Variants in PTGFR observed in about 807,000 individuals in gnomAD.
The protein encoded by PTGFR is prostaglandin F2-alpha receptor.
Under a neutral mutation model 26.2 loss-of-function variants are expected in PTGFR, and 15 were observed. That is an observed-to-expected ratio of 0.57 (90% confidence interval 0.38 to 0.88). PTGFR has a LOEUF of 0.88. Among genes scored for constraint, PTGFR ranks in the 40% least tolerant of loss-of-function variants. The probability of loss-of-function intolerance (pLI) is 0.00; values close to 1 mark genes in which losing one functional copy is unlikely to be tolerated. For missense variants in PTGFR, 369 were observed against 427.2 expected, an observed-to-expected ratio of 0.86 and a Z score of 1.20; for synonymous variants, 165 against 151.1, an observed-to-expected ratio of 1.09 and a Z score of -0.68.
rs942426155 is a variant in PTGFR at position 78,537,495 on chromosome 1, A to G, written c.*808A>G. The G allele has an allele frequency of 1.3e-5, 2 of 152,074 alleles. No individual in the cohort carries two copies. The highest frequency in any genetic ancestry group is 2.9e-5 in the Non-Finnish European group (2 of 68,018). The allele number at this position is 152,074 out of a possible 1,614,324, so 9.4% of individuals were successfully genotyped here. On this transcript the variant is annotated 3_prime_UTR_variant, in exon 3 of 3. Transcript: ENST00000370757. ...CAACTAGAATTACAGCAGTTTCAAA[A>G]CTCTACCATGGATAATGCAAACAAA...
Position 78,532,390 on chromosome 1 carries a change from A to ATATATATATATG in PTGFR, c.799-4009_799-4008insATATGTATATAT, listed in dbSNP as rs1317673207. 12 of 132,072 alleles carry ATATATATATATG rather than the reference A, an allele frequency of 9.1e-5. 1 individual carries two copies. Among genetic ancestry groups the ATATATATATATG allele is most frequent in the Non-Finnish European group, 1.1e-4 (7 of 62,068 alleles). The allele number at this position is 132,072 out of a possible 1,614,324, so 8.2% of individuals were successfully genotyped here. ...TATATATATATATATATATATATAT[A>ATATATATATATG]TATATATGTATATATGTGTATATAT... On this transcript the variant is annotated intron_variant, in intron 2 of 2. Coordinates refer to ENST00000370757, the MANE Select transcript of PTGFR (RefSeq NM_000959.4).
chr1:78,495,174 A>G (rs1649516007), intron 2 of PTGFR, among the ~76,000 whole-genome samples: 2 of 152,366 alleles, frequency 1.3e-5, no homozygotes, highest in South Asian at 2.1e-4. Context: ...GGGTCTATCA[A>G]TGGCAAGTCA....
chr1:78,534,060 A>G (rs1650587333), intron 2 of PTGFR, among the ~76,000 whole-genome samples: 1 of 152,162 alleles, frequency 6.6e-6, no homozygotes. Flanking sequence ...TGTCCTGTCT[A>G]CTTCTCAGAA....
intron 2 of PTGFR, among the ~76,000 whole-genome samples, chr1:78,533,742 G>A (rs1650578640): frequency 6.6e-6 from 1 of 152,152 alleles, no homozygotes; most frequent in South Asian, 2.1e-4. Context: ...GTACAGACAT[G>A]GGGGAGAGAT....
At chr1:78,533,753 G>T (rs372544632) in intron 2 of PTGFR, among the ~76,000 whole-genome samples, 4 of 152,166 alleles carry the variant, frequency 2.6e-5, no homozygotes, top group Non-Finnish European at 5.9e-5. Flanking sequence ...GGGGAGAGAT[G>T]ATGCGATAAC....
chr1:78,523,550 T>C (rs1292219620), intron 2 of PTGFR, among the ~76,000 whole-genome samples: 2 of 151,968 alleles, frequency 1.3e-5, no homozygotes, highest in African/African-American at 2.4e-5. Flanking sequence ...CACGTATAAA[T>C]ACCTTTGGAC....
chr1:78,519,292 A>G (rs146319543), intron 2 of PTGFR, among the ~76,000 whole-genome samples: 1 of 152,290 alleles, frequency 6.6e-6, no homozygotes, highest in African/African-American at 2.4e-5. Flanking sequence ...GAGTTTGAAC[A>G]TAGTTGCCAC....
intron 2 of PTGFR, among the ~76,000 whole-genome samples, chr1:78,499,450 C>T (rs1018363819): frequency 1.3e-5 from 2 of 152,232 alleles, no homozygotes; most frequent in African/African-American, 4.8e-5. Context: ...AGACCAGTGC[C>T]TGGCATATAG....
intron 2 of PTGFR, among the ~76,000 whole-genome samples, chr1:78,502,195 T>G (rs1649722441): frequency 6.6e-6 from 1 of 152,190 alleles, no homozygotes; most frequent in Non-Finnish European, 1.5e-5. Context: ...TGTGAGGTAT[T>G]AATTATTAGA....
chr1:78,535,573 T>C (rs1650624857), intron 2 of PTGFR, among the ~76,000 whole-genome samples: 1 of 152,174 alleles, frequency 6.6e-6, no homozygotes, highest in Admixed American at 6.6e-5. Context: ...ATTTCTTATT[T>C]GTTTGTATAT....
chr1:78,511,884 AC>A (rs1285315604), intron 2 of PTGFR, among the ~76,000 whole-genome samples: 1 of 152,114 alleles, frequency 6.6e-6, no homozygotes, highest in Non-Finnish European at 1.5e-5. Flanking sequence ...CATCTTGAAC[AC>A]TTTGCCGCTT....
Position 78,537,149 on chromosome 1 carries a change from G to A in PTGFR, c.*462G>A, listed in dbSNP as rs992537130. 1.3e-5 allele frequency: 2 copies of A among 154,060 alleles called. No individual in the cohort carries two copies. The highest frequency in any genetic ancestry group is 2.9e-5 in the Non-Finnish European group (2 of 69,560). 9.5% of individuals were successfully genotyped at this position (154,060 alleles called of 1,614,324 possible). On this transcript the variant is annotated 3_prime_UTR_variant, in exon 3 of 3. Coordinates refer to ENST00000370757, the MANE Select transcript of PTGFR (RefSeq NM_000959.4). Reference sequence around the variant, plus strand: ...GATCTGGCCTATTTTGCCCCTCATTGTGTAGCCTCAATTAACACATGCATG... The same window carrying A: ...GATCTGGCCTATTTTGCCCCTCATTATGTAGCCTCAATTAACACATGCATG...
chr1:78,502,366 G>A (rs1380621517), intron 2 of PTGFR, among the ~76,000 whole-genome samples: 7 of 152,032 alleles, frequency 4.6e-5, no homozygotes, highest in Non-Finnish European at 1.0e-4. Context: ...TCACTTCCTG[G>A]CCATGTGTCT....
intron 2 of PTGFR, among the ~76,000 whole-genome samples, chr1:78,506,967 T>A (rs1320502382): frequency 6.6e-6 from 1 of 152,224 alleles, no homozygotes; most frequent in Non-Finnish European, 1.5e-5. Flanking sequence ...GGAAATTGAC[T>A]TGACCAGACT....
intron 2 of PTGFR, among the ~76,000 whole-genome samples, chr1:78,529,936 A>G (rs937222281): frequency 6.6e-6 from 1 of 152,148 alleles, no homozygotes; most frequent in Admixed American, 6.5e-5. Context: ...TGAGAATCTA[A>G]TGCGTGATGA....
At chr1:78,534,679 A>C (rs1375501031) in intron 2 of PTGFR, among the ~76,000 whole-genome samples, 1 of 150,534 alleles carries the variant, frequency 6.6e-6, no homozygotes, top group East Asian at 1.9e-4. Flanking sequence ...TTTTTCTATG[A>C]ACAAAATTAC....
At chr1:78,522,206 A>G (rs1371380199) in intron 2 of PTGFR, among the ~76,000 whole-genome samples, 1 of 151,906 alleles carries the variant, frequency 6.6e-6, no homozygotes, top group East Asian at 1.9e-4. Context: ...CCCTCTATGC[A>G]CAAACCAGAA....
At chr1:78,512,394 C>T (rs1161793643) in intron 2 of PTGFR, among the ~76,000 whole-genome samples, 1 of 152,072 alleles carries the variant, frequency 6.6e-6, no homozygotes. Flanking sequence ...CAGCTGTGCT[C>T]AGTGTCTGGG....
At chr1:78,511,631 T>C (rs1041092627) in intron 2 of PTGFR, among the ~76,000 whole-genome samples, 2 of 152,236 alleles carry the variant, frequency 1.3e-5, no homozygotes, top group Admixed American at 6.5e-5. Flanking sequence ...TTGAGGCTTT[T>C]CCCTCATTGT....
Sources: allele counts gnomAD v4.1 joint callset (sites outside exome capture counted in the v4.1 genomes callset), GRCh38; gene constraint gnomAD v4.1.1; transcripts MANE v1.5; gene names NCBI Gene and HGNC (gene_info 2026-07-23, HGNC 2026-07-21).